SEC62: variants seen among roughly 807,000 people sequenced by gnomAD.
SEC62 encodes translocation protein SEC62.
In SEC62, 10 loss-of-function variants were observed where a neutral mutation model predicts 47.5. The ratio of observed to expected loss-of-function variants is 0.21; its 90% CI spans 0.13 to 0.36. SEC62 has a LOEUF of 0.36. Among genes scored for constraint, SEC62 ranks in the 10% least tolerant of loss-of-function variants. The pLI, the probability that SEC62 is intolerant of heterozygous loss-of-function variation, is 1.00. For missense variants in SEC62, 327 were observed against 464.1 expected, an observed-to-expected ratio of 0.70 and a Z score of 2.71; for synonymous variants, 136 against 150.5, an observed-to-expected ratio of 0.90 and a Z score of 0.71.
intron 7 of SEC62, among the ~76,000 whole-genome samples, chr3:169,989,783 A>G (rs1715195834): frequency 6.6e-6 from 1 of 151,994 alleles, no homozygotes; most frequent in Non-Finnish European, 1.5e-5. Context: ...TGTGGATTTA[A>G]ATATGCATTA....
At chr3:169,967,252 C>T (rs1284598971) in intron 1 of SEC62, among the ~76,000 whole-genome samples, 1 of 152,174 alleles carries the variant, frequency 6.6e-6, no homozygotes, top group African/African-American at 2.4e-5. Flanking sequence ...CATCCTCTGG[C>T]CTTAGCTGGC....
chr3:169,983,067 G>A, intron 4 of SEC62, 94 bp from the exon 5 acceptor site: 1 of 1,448,192 alleles, frequency 6.9e-7, no homozygotes, highest in Non-Finnish European at 9.4e-7. Context: ...TTATTTCTGT[G>A]TTACAAATAG....
At chr3:169,972,335 T>G (rs1169318389) in intron 1 of SEC62, among the ~76,000 whole-genome samples, 1 of 152,192 alleles carries the variant, frequency 6.6e-6, no homozygotes, top group African/African-American at 2.4e-5. Context: ...GCCACAATAT[T>G]TATGGCTTTT....
At chr3:169,981,875 G>A (rs907905924) in intron 3 of SEC62, among the ~76,000 whole-genome samples, 8 of 152,158 alleles carry the variant, frequency 5.3e-5, no homozygotes, top group Non-Finnish European at 1.2e-4. Flanking sequence ...GAATGGGAAG[G>A]TGGGCTTATG....
Position 169,981,726 on chromosome 3 carries a change from G to A in SEC62, c.252-981G>A, listed in dbSNP as rs147101656. 4.3e-3 allele frequency among the ~76,000 whole-genome samples: 662 copies of A among 152,208 alleles called. 4 individuals are homozygous for A. The highest frequency in any genetic ancestry group is 0.015 in the African/African-American group (630 of 41,518). ...ACCAAGCAACGTTGACTTAATCTGGGGTCAGATAAAAAATGAATAAAGCAA... is the reference window on the plus strand; with the variant it reads ...ACCAAGCAACGTTGACTTAATCTGGAGTCAGATAAAAAATGAATAAAGCAA... On this transcript the variant is annotated intron_variant, in intron 3 of 7. Transcript: ENST00000337002.
At chr3:169,987,429 A>C (rs562331161) in intron 6 of SEC62, among the ~76,000 whole-genome samples, 1 of 152,298 alleles carries the variant, frequency 6.6e-6, no homozygotes, top group South Asian at 2.1e-4. Context: ...AGAAAACAAA[A>C]AGCAAAATAA....
chr3:169,966,894 G>A, intron 1 of SEC62, 36 bp downstream of exon 1: 4 of 1,549,812 alleles, frequency 2.6e-6, no homozygotes, highest in Non-Finnish European at 3.5e-6. Context: ...GGGCTTCGGC[G>A]CGCTGGATAG....
chr3:169,968,356 T>C (rs1576853822), intron 1 of SEC62: 1 of 152,238 alleles, frequency 6.6e-6, no homozygotes, highest in Admixed American at 6.5e-5. Context: ...ATAGCTGCTC[T>C]TATTTAGTTG....
rs758036420 is a variant in SEC62 at position 169,988,336 on chromosome 3, C to T, written c.707C>T (p.Ala236Val). ...YLSVGAGCFV[A>V]SILLLAVARC... ...AGTGTGGGTGCAGGCTGTTTTGTAGCCAGTATTCTTCTCCTTGCTGTTGGT... is the reference window on the plus strand; with the variant it reads ...AGTGTGGGTGCAGGCTGTTTTGTAGTCAGTATTCTTCTCCTTGCTGTTGGT... Residue 236 changes from alanine (A) to valine (V), a missense_variant, in exon 7 of 8, where the codon GCC becomes GTC. This residue lies in a region of SEC62 where 99 missense variants were observed against 194.0 expected (regional missense o/e 0.51). Coordinates refer to ENST00000337002, the MANE Select transcript of SEC62 (RefSeq NM_003262.4). The T allele has an allele frequency of 3.1e-6, 5 of 1,613,364 alleles. No individual in the cohort carries two copies. The highest frequency in any genetic ancestry group is 4.2e-6 in the Non-Finnish European group (5 of 1,179,644).
intron 6 of SEC62, 73 bp downstream of exon 6, chr3:169,985,938 G>A: frequency 2.0e-6 from 2 of 1,002,536 alleles, no homozygotes; most frequent in South Asian, 3.0e-5. Context: ...TACTGTAAAA[G>A]AAAATGTTCC....
rs972415904 is a variant in SEC62, at chr3:169,996,551, A to G, written c.*3488A>G. 6.6e-6 allele frequency: 1 copy of G among 152,528 alleles called. No individual in the cohort carries two copies. Among genetic ancestry groups the G allele is most frequent in the South Asian group, 2.1e-4 (1 of 4,830 alleles). The allele number at this position is 152,528 out of a possible 1,614,324, so 9.4% of individuals were successfully genotyped here. A position where few individuals can be genotyped will look rare whatever the true frequency, so the allele number is the denominator to read the frequency against. ...CTCCAGCTCCACTCTGCTCTTGCCCACAAAGCTGACCCGAATGGACCACAG... is the reference window on the plus strand; with the variant it reads ...CTCCAGCTCCACTCTGCTCTTGCCCGCAAAGCTGACCCGAATGGACCACAG... On this transcript the variant is annotated 3_prime_UTR_variant, in exon 8 of 8. Coordinates refer to ENST00000337002, the MANE Select transcript of SEC62 (RefSeq NM_003262.4).
chr3:169,998,086 A>G lies in SEC62; in HGVS notation c.*5023A>G, dbSNP rs751616736. The G allele has an allele frequency of 3.3e-5, 5 of 152,228 alleles. No individual in the cohort carries two copies. Among genetic ancestry groups the G allele is most frequent in the Non-Finnish European group, 5.9e-5 (4 of 68,046 alleles). 9.4% of individuals were successfully genotyped at this position (152,228 alleles called of 1,614,324 possible). ...ATTTTAGTTTTAGGCTAGTGAAATT[A>G]AAGTTAATTTTTCCCATCCAAGTTC... On this transcript the variant is annotated 3_prime_UTR_variant, in exon 8 of 8. Transcript: ENST00000337002.
chr3:169,977,080 CATA>C, intron 3 of SEC62, 29 bp downstream of exon 3: 1 of 1,496,544 alleles, frequency 6.7e-7, no homozygotes, highest in Non-Finnish European at 9.2e-7. Flanking sequence ...TGAAGAATAA[CATA>C]ATAATTTTAA....
rs1045321115 is a variant in SEC62, at chr3:169,994,982, T to A, written c.*1919T>A. 6.6e-6 allele frequency: 1 copy of A among 152,194 alleles called. No homozygotes were observed. The highest frequency in any genetic ancestry group is 2.4e-5 in the African/African-American group (1 of 41,460). The allele number at this position is 152,194 out of a possible 1,614,324, so 9.4% of individuals were successfully genotyped here. ...ATTTGGTGATCCCTGGGGGGAAATA[T>A]CATTCTTACTATGGTTAGAAAGTGA... is the stretch of plus-strand genomic sequence containing the variant. On this transcript the variant is annotated 3_prime_UTR_variant, in exon 8 of 8. Coordinates refer to ENST00000337002, the MANE Select transcript of SEC62 (RefSeq NM_003262.4).
At chr3:169,983,137 T>A (rs1383295708) in intron 4 of SEC62, 24 bp from the exon 5 acceptor site, 1 of 1,565,108 alleles carries the variant, frequency 6.4e-7, no homozygotes, top group Non-Finnish European at 8.8e-7. Context: ...TGTTATTTCT[T>A]CTGTCCAACT....
intron 3 of SEC62, among the ~76,000 whole-genome samples, chr3:169,980,029 T>C (rs552306330): frequency 6.6e-6 from 1 of 152,276 alleles, no homozygotes; most frequent in East Asian, 1.9e-4. Flanking sequence ...ATTTTTTAAA[T>C]GTTTTAGAAG....
At chr3:169,969,295 C>T (rs1454495978) in intron 1 of SEC62, 1 of 456,286 alleles carries the variant, frequency 2.2e-6, no homozygotes, top group Non-Finnish European at 4.4e-6. Flanking sequence ...AGTATAATTT[C>T]AGATTCTCGT....
At chr3:169,982,661 CTCTA>C (rs777345026) in intron 3 of SEC62, 42 bp from the exon 4 acceptor site, 5 of 1,592,978 alleles carry the variant, frequency 3.1e-6, no homozygotes, top group South Asian at 1.1e-5. Flanking sequence ...GCTTTTCAGT[CTCTA>C]TCTATATGGG....
At position 169,995,619 on chromosome 3, in the gene SEC62, A is replaced by G. The variant is rs1293926273; in HGVS notation, c.*2556A>G. ...AAAAGTCATCTTGTGTCTTTTGTAA[A>G]TTGAATTTTTTTTTTAAATCTATTA... On this transcript the variant is annotated 3_prime_UTR_variant, in exon 8 of 8. Transcript: ENST00000337002. 6.6e-6 allele frequency: 1 copy of G among 152,018 alleles called. No individual in the cohort carries two copies. Among genetic ancestry groups the G allele is most frequent in the East Asian group, 2.0e-4 (1 of 5,110 alleles). 9.4% of individuals were successfully genotyped at this position (152,018 alleles called of 1,614,324 possible). A position where few individuals can be genotyped will look rare whatever the true frequency, so the allele number is the denominator to read the frequency against.
Sources: allele counts gnomAD v4.1 joint callset (sites outside exome capture counted in the v4.1 genomes callset), GRCh38; gene constraint gnomAD v4.1.1; regional missense constraint gnomAD v4.1.1; transcripts MANE v1.5; gene names NCBI Gene and HGNC (gene_info 2026-07-23, HGNC 2026-07-21).